The following TCERG1L variants were observed in gnomAD, a reference collection of about 807,000 sequenced individuals.
TCERG1L encodes transcription elongation regulator 1-like protein.
A neutral mutation model predicts 56.3 loss-of-function variants in TCERG1L; 37 were observed. The ratio of observed to expected loss-of-function variants is 0.66; its 90% CI spans 0.51 to 0.87. The LOEUF (loss-of-function observed/expected upper bound fraction) is 0.87. Ranked by LOEUF, TCERG1L falls within the 40% of genes least tolerant of loss-of-function variation. TCERG1L has a pLI of 0.00. For missense variants in TCERG1L, 799 were observed against 774.2 expected, an observed-to-expected ratio of 1.03 and a Z score of -0.38; for synonymous variants, 324 against 326.3, an observed-to-expected ratio of 0.99 and a Z score of 0.08.
intron 4 of TCERG1L, among the ~76,000 whole-genome samples, chr10:131,179,061 C>T (rs749326702): frequency 9.2e-5 from 14 of 152,202 alleles, no homozygotes; most frequent in East Asian, 1.9e-4. Flanking sequence ...AGGCTGAGCC[C>T]GCGTCGGCAC....
At chr10:131,282,140 A>G (rs1413527594) in intron 3 of TCERG1L, among the ~76,000 whole-genome samples, 2 of 59,218 alleles carry the variant, frequency 3.4e-5, no homozygotes, top group East Asian at 2.3e-3. Flanking sequence ...CATCTCAGAA[A>G]AAAAAAAAAA....
chr10:131,267,540 G>A lies in TCERG1L; in HGVS notation c.671-7096C>T, dbSNP rs565342891. Among the ~76,000 whole-genome samples the A allele has an allele frequency of 1.3e-4, 20 of 152,278 alleles. No homozygotes were observed. The East Asian group carries it at 1.5e-3, about 12-fold the overall frequency. On this transcript the variant is annotated intron_variant, in intron 3 of 11. Transcript: ENST00000368642. The surrounding 1 kb of genome is among the most constrained non-coding windows in gnomAD (Gnocchi z 4.9). ...CAGACCTGGCTGTGCCCTTCTCTGC[G>A]TCTCCCTCTGCCGCAGTGGTGGCCC...
intron 4 of TCERG1L, among the ~76,000 whole-genome samples, chr10:131,184,135 C>T (rs1845211571): frequency 6.6e-6 from 1 of 152,228 alleles, no homozygotes; most frequent in African/African-American, 2.4e-5. Flanking sequence ...CCAACACCCC[C>T]TTGCCTTGCG....
At chr10:131,230,354 C>T (rs531173177) in intron 4 of TCERG1L, among the ~76,000 whole-genome samples, 4 of 152,338 alleles carry the variant, frequency 2.6e-5, no homozygotes, top group East Asian at 1.9e-4. Flanking sequence ...CCAGCTTTCC[C>T]GTGGCCCCTT....
chr10:131,201,891 G>A (rs768772616), intron 4 of TCERG1L, among the ~76,000 whole-genome samples: 18 of 152,094 alleles, frequency 1.2e-4, no homozygotes, highest in Non-Finnish European at 1.8e-4. Context: ...CGCATCCATC[G>A]ACCTTCCTCA....
intron 6 of TCERG1L, among the ~76,000 whole-genome samples, chr10:131,150,383 G>T (rs1287438960): frequency 1.3e-5 from 2 of 152,236 alleles, no homozygotes; most frequent in African/African-American, 4.8e-5. Flanking sequence ...TGCACACAGT[G>T]TCAGGCATTC....
intron 3 of TCERG1L, among the ~76,000 whole-genome samples, chr10:131,291,625 A>G (rs1341319040): frequency 1.3e-5 from 2 of 151,142 alleles, no homozygotes; most frequent in Non-Finnish European, 2.9e-5. Context: ...ACGGGGTTTC[A>G]CCGTGTTAGC....
At chr10:131,258,384 G>A (rs1202787716) in intron 4 of TCERG1L, among the ~76,000 whole-genome samples, 6 of 152,164 alleles carry the variant, frequency 3.9e-5, no homozygotes, top group African/African-American at 1.2e-4. Context: ...GCCTTGCCCC[G>A]AGTCCAGAGG....
chr10:131,292,788 GTT>G (rs11366277), intron 3 of TCERG1L, among the ~76,000 whole-genome samples: 12,381 of 150,182 alleles, frequency 0.082, 645 homozygotes, highest in South Asian at 0.24. Flanking sequence ...CATTTAATGT[GTT>G]TTTTTTTTCA....
intron 8 of TCERG1L, among the ~76,000 whole-genome samples, chr10:131,120,983 C>T (rs896526649): frequency 1.3e-5 from 2 of 152,196 alleles, no homozygotes; most frequent in East Asian, 1.9e-4. Context: ...TACACACATG[C>T]GAAGCCTCAG....
chr10:131,248,961 G>A (rs376697184), intron 4 of TCERG1L, among the ~76,000 whole-genome samples: 9 of 152,304 alleles, frequency 5.9e-5, no homozygotes, highest in East Asian at 5.8e-4. Context: ...AGGACCAGCC[G>A]CCCCGGGGAG....
At position 131,165,074 on chromosome 10, in the gene TCERG1L, C is replaced by T. The variant is rs73394543; in HGVS notation, c.945+1723G>A. Among the ~76,000 whole-genome samples the T allele has an allele frequency of 3.2e-3, 485 of 152,284 alleles. 6 individuals carry two copies. The highest frequency in any genetic ancestry group is 0.011 in the African/African-American group (469 of 41,558). ...TAGAACAAAAATTAAAAGAATCTCG[C>T]GTGTCTGTAAGAGACAATGGTGAGA... is the stretch of plus-strand genomic sequence containing the variant. On this transcript the variant is annotated intron_variant, in intron 5 of 11. Coordinates refer to ENST00000368642, the MANE Select transcript of TCERG1L (RefSeq NM_174937.4).
At chr10:131,202,336 C>G (rs2133475689) in intron 4 of TCERG1L, among the ~76,000 whole-genome samples, 1 of 152,324 alleles carries the variant, frequency 6.6e-6, no homozygotes, top group African/African-American at 2.4e-5. Context: ...AATCCCAACA[C>G]TTTGGGAGGC....
At chr10:131,109,896 G>A (rs927137072) in intron 9 of TCERG1L, among the ~76,000 whole-genome samples, 6 of 152,228 alleles carry the variant, frequency 3.9e-5, no homozygotes, top group African/African-American at 1.2e-4. Flanking sequence ...CAGAGGAGGC[G>A]GTGTGGATGC....
chr10:131,112,261 G>A (rs75244158), intron 9 of TCERG1L, among the ~76,000 whole-genome samples: 14,201 of 142,018 alleles, frequency 0.1, 2,676 homozygotes, highest in South Asian at 0.18. Flanking sequence ...AGATGTGCCC[G>A]CTCTATTTCT....
At chr10:131,151,180 C>A (rs777428576) in intron 6 of TCERG1L, among the ~76,000 whole-genome samples, 6 of 152,204 alleles carry the variant, frequency 3.9e-5, no homozygotes, top group Non-Finnish European at 8.8e-5. Context: ...ACCAATCATG[C>A]CTTTCCAACG....
At chr10:131,108,464 T>C (rs1215075908) in intron 9 of TCERG1L, among the ~76,000 whole-genome samples, 1 of 55,240 alleles carries the variant, frequency 1.8e-5, no homozygotes, top group Non-Finnish European at 4.6e-5. Context: ...GATGATTTGC[T>C]GCTCATCTTC....
intron 4 of TCERG1L, among the ~76,000 whole-genome samples, chr10:131,181,836 T>C (rs975547789): frequency 6.6e-6 from 1 of 152,248 alleles, no homozygotes; most frequent in African/African-American, 2.4e-5. Context: ...CACTATTCTA[T>C]TCTGAACATT....
chr10:131,283,353 G>A (rs1484909112), intron 3 of TCERG1L, among the ~76,000 whole-genome samples: 3 of 152,306 alleles, frequency 2.0e-5, no homozygotes, highest in Non-Finnish European at 2.9e-5. Flanking sequence ...TTGCCTTCAC[G>A]GGGGACTGGT....
Sources: gnomAD v4.1 joint callset for allele counts (sites outside exome capture counted in the v4.1 genomes callset) on GRCh38, gnomAD v4.1.1 for gene constraint, Gnocchi (gnomAD v3.1) non-coding constraint, MANE v1.5 for transcripts, NCBI Gene and HGNC (gene_info 2026-07-23, HGNC 2026-07-21) for gene names.